FER: variants seen among roughly 807,000 people sequenced by gnomAD.
FER encodes FER tyrosine kinase.
Under a neutral mutation model 111.0 loss-of-function variants are expected in FER, and 63 were observed. The observed-to-expected ratio is 0.57, with a 90% CI of 0.46 to 0.70. FER has a LOEUF of 0.70. Ranked by LOEUF, FER falls within the 30% of genes least tolerant of loss-of-function variation. FER has a pLI of 0.00. For synonymous variants in FER, 327 were observed against 313.9 expected, an observed-to-expected ratio of 1.04 and a Z score of -0.44; for missense variants, 914 against 954.0, an observed-to-expected ratio of 0.96 and a Z score of 0.55.
At chr5:108,825,016 G>A (rs569259091) in intron 3 of FER, among the ~76,000 whole-genome samples, 2 of 152,304 alleles carry the variant, frequency 1.3e-5, no homozygotes, top group African/African-American at 4.8e-5. Flanking sequence ...GCGAATAGGT[G>A]TGGGTGACAG....
chr5:109,123,496 T>C (rs555970178), intron 17 of FER, among the ~76,000 whole-genome samples: 1 of 152,010 alleles, frequency 6.6e-6, no homozygotes, highest in Non-Finnish European at 1.5e-5. Flanking sequence ...GTGACTTTTT[T>C]CTGGTGCTAT....
chr5:108,889,751 C>T (rs1314854280), intron 9 of FER, among the ~76,000 whole-genome samples: 1 of 151,992 alleles, frequency 6.6e-6, no homozygotes, highest in South Asian at 2.1e-4. Flanking sequence ...ACATCACATG[C>T]TTTTATCAAA....
At chr5:109,069,868 G>A (rs1775564719) in intron 16 of FER, among the ~76,000 whole-genome samples, 1 of 152,028 alleles carries the variant, frequency 6.6e-6, no homozygotes, top group Non-Finnish European at 1.5e-5. Context: ...AAAATATTTG[G>A]TCTGTTTTAC....
At chr5:108,934,432 TA>T (rs1206701897) in intron 10 of FER, among the ~76,000 whole-genome samples, 1 of 152,180 alleles carries the variant, frequency 6.6e-6, no homozygotes, top group Non-Finnish European at 1.5e-5. Context: ...TATGGCCCAG[TA>T]ATTTTCACAC....
intron 13 of FER, among the ~76,000 whole-genome samples, chr5:108,983,091 T>C (rs1227812114): frequency 6.6e-6 from 1 of 152,088 alleles, no homozygotes; most frequent in African/African-American, 2.4e-5. Context: ...TCAGTAAATA[T>C]TTGTTGAATG....
At chr5:108,781,349 A>G (rs1171125516) in intron 2 of FER, among the ~76,000 whole-genome samples, 1 of 151,740 alleles carries the variant, frequency 6.6e-6, no homozygotes, top group Non-Finnish European at 1.5e-5. Context: ...TGCTTACCAC[A>G]CCTGGCTAAT....
intron 8 of FER, among the ~76,000 whole-genome samples, chr5:108,880,782 C>T (rs1177172858): frequency 2.6e-5 from 4 of 151,882 alleles, no homozygotes; most frequent in Non-Finnish European, 1.5e-5. Context: ...TGATGACTCT[C>T]GATCATTATT....
intron 1 of FER, among the ~76,000 whole-genome samples, chr5:108,755,198 C>A (rs1561368857): frequency 6.6e-6 from 1 of 152,176 alleles, no homozygotes; most frequent in Non-Finnish European, 1.5e-5. Context: ...ATTCTTGCCC[C>A]TTGTATCCTA....
chr5:109,051,855 GC>G, intron 16 of FER: 1 of 1,581,972 alleles, frequency 6.3e-7, no homozygotes, highest in Non-Finnish European at 8.7e-7. Context: ...TCTCCATGGG[GC>G]AAGAGAGGAA....
In FER at chr5:109,099,607, A is replaced by G. The variant is rs1364319594; in HGVS notation, c.1925-789A>G. 4.6e-5 allele frequency among the ~76,000 whole-genome samples: 7 copies of G among 151,548 alleles called. No homozygotes were observed. The East Asian group carries it at 1.3e-3, about 29-fold the overall frequency. ...TCTCAACTAAAATTTTCATATTGAC[A>G]TATGTTGATATGTTTTGGATATGTT... On this transcript the variant is annotated intron_variant, in intron 16 of 19. Transcript: ENST00000281092.
At chr5:109,179,682 AAATAT>A (rs1758078892) in intron 17 of FER, among the ~76,000 whole-genome samples, 1 of 152,164 alleles carries the variant, frequency 6.6e-6, no homozygotes, top group Non-Finnish European at 1.5e-5. Context: ...ATCATTCCCT[AAATAT>A]AACAACTATT....
chr5:108,749,007 G>C (rs1448604732), intron 1 of FER: 1 of 152,392 alleles, frequency 6.6e-6, no homozygotes, highest in Non-Finnish European at 1.5e-5. Flanking sequence ...GGTGCGTTTC[G>C]CGCCGCCGGC....
At chr5:109,156,010 G>A (rs1207076377) in intron 17 of FER, among the ~76,000 whole-genome samples, 1 of 151,948 alleles carries the variant, frequency 6.6e-6, no homozygotes, top group African/African-American at 2.4e-5. Flanking sequence ...AAAAAAGTAA[G>A]AATAGAAAAA....
intron 17 of FER, among the ~76,000 whole-genome samples, chr5:109,169,059 C>T (rs1284423139): frequency 6.6e-6 from 1 of 152,082 alleles, no homozygotes; most frequent in Non-Finnish European, 1.5e-5. Flanking sequence ...TTTGCTCAGA[C>T]AAATAATCCT....
intron 3 of FER, among the ~76,000 whole-genome samples, chr5:108,826,089 G>A (rs1235800305): frequency 6.6e-6 from 1 of 152,052 alleles, no homozygotes; most frequent in Non-Finnish European, 1.5e-5. Flanking sequence ...TTATTATGTT[G>A]AGATACATTG....
At chr5:109,014,786 G>GAGGTCC (rs1307537223) in intron 13 of FER, 1 of 152,178 alleles carries the variant, frequency 6.6e-6, no homozygotes, top group Non-Finnish European at 1.5e-5. Context: ...TCTCCTTGAA[G>GAGGTCC]AGGTCCATCA....
chr5:109,012,276 C>G lies in FER; in HGVS notation c.1657-25146C>G, dbSNP rs560148658. Among the ~76,000 whole-genome samples the G allele has an allele frequency of 2.6e-5, 4 of 152,298 alleles. No homozygotes were observed. In the South Asian group the frequency reaches 8.3e-4, roughly 32 times the overall value. ...AAGATAATGTTCACATAGATAAATACAACTCAGCCGGTTTAGTGATTAAAT... is the reference window on the plus strand; with the variant it reads ...AAGATAATGTTCACATAGATAAATAGAACTCAGCCGGTTTAGTGATTAAAT... On this transcript the variant is annotated intron_variant, in intron 13 of 19. Transcript: ENST00000281092.
chr5:108,805,791 C>A (rs906547224), intron 3 of FER, among the ~76,000 whole-genome samples: 2 of 152,082 alleles, frequency 1.3e-5, no homozygotes, highest in Non-Finnish European at 2.9e-5. Context: ...GCAAAGCACT[C>A]AAGAGGTGAC....
At chr5:108,821,928 A>G (rs1270388233) in intron 3 of FER, among the ~76,000 whole-genome samples, 1 of 152,142 alleles carries the variant, frequency 6.6e-6, no homozygotes, top group Non-Finnish European at 1.5e-5. Context: ...TCTAGTTATC[A>G]TGGTGTACAT....
Sources: allele counts gnomAD v4.1 joint callset (sites outside exome capture counted in the v4.1 genomes callset), GRCh38; gene constraint gnomAD v4.1.1; transcripts MANE v1.5; gene names NCBI Gene and HGNC (gene_info 2026-07-23, HGNC 2026-07-21).